SMAP1: variants seen among roughly 807,000 people sequenced by gnomAD.
The protein encoded by SMAP1 is small ArfGAP 1.
Under a neutral mutation model 58.5 loss-of-function variants are expected in SMAP1, and 24 were observed. The observed-to-expected ratio is 0.41, with a 90% CI of 0.30 to 0.58. SMAP1 has a LOEUF of 0.58. Ranked by LOEUF, SMAP1 falls within the 20% of genes least tolerant of loss-of-function variation. The pLI, the probability that SMAP1 is intolerant of heterozygous loss-of-function variation, is 0.29. For missense variants in SMAP1, 563 were observed against 566.3 expected, an observed-to-expected ratio of 0.99 and a Z score of 0.06; for synonymous variants, 216 against 196.6, an observed-to-expected ratio of 1.10 and a Z score of -0.82.
intron 7 of SMAP1, among the ~76,000 whole-genome samples, chr6:70,851,206 T>G (rs1771171917): frequency 2.0e-5 from 3 of 152,182 alleles, no homozygotes; most frequent in Non-Finnish European, 4.4e-5. Context: ...TTTTGTAAAT[T>G]AAATAGCAAA....
In SMAP1 at chr6:70,861,660, A is replaced by AATTT. The variant is rs750696989; in HGVS notation, c.*1329_*1332dup. 1 of 1,612,164 alleles carries AATTT rather than the reference A, an allele frequency of 6.2e-7. No homozygotes were observed. Among genetic ancestry groups the AATTT allele is most frequent in the South Asian group, 1.1e-5 (1 of 91,038 alleles). On this transcript the variant is annotated 3_prime_UTR_variant, in exon 11 of 11. Coordinates refer to ENST00000370455, the MANE Select transcript of SMAP1 (RefSeq NM_001044305.3). ...GACAAACTGCACCAGTTGCTGCTTC[A>AATTT]ATTTATACCTCAATTTTCACTGTGT...
intron 1 of SMAP1, among the ~76,000 whole-genome samples, chr6:70,685,387 ACTT>A (rs1766895948): frequency 6.6e-6 from 1 of 151,752 alleles, no homozygotes; most frequent in African/African-American, 2.4e-5. Flanking sequence ...AGGAGCCTTT[ACTT>A]TAAAGAGGCA....
intron 2 of SMAP1, among the ~76,000 whole-genome samples, chr6:70,749,091 G>C (rs751916132): frequency 6.6e-6 from 1 of 152,042 alleles, no homozygotes; most frequent in Admixed American, 6.6e-5. Flanking sequence ...TAATTGACTC[G>C]GTTCCTCATG....
intron 1 of SMAP1, among the ~76,000 whole-genome samples, chr6:70,730,639 C>T (rs531002238): frequency 5.5e-4 from 84 of 152,258 alleles, no homozygotes; most frequent in African/African-American, 2.0e-3. Context: ...GTTGCATGTG[C>T]ATAATCTTCC....
chr6:70,857,309 T>C (rs947279560), intron 9 of SMAP1: 2 of 253,236 alleles, frequency 7.9e-6, no homozygotes, highest in African/African-American at 4.4e-5. Flanking sequence ...CTTTGATGAA[T>C]TATTGAAACG....
At chr6:70,769,415 G>T (rs1767166451) in intron 3 of SMAP1, among the ~76,000 whole-genome samples, 2 of 152,166 alleles carry the variant, frequency 1.3e-5, no homozygotes, top group African/African-American at 2.4e-5. Context: ...CTCAGGACTT[G>T]CTTTATGAAT....
Position 70,857,031 on chromosome 6 carries a change from G to C in SMAP1, c.961+1G>C. On this transcript the variant is annotated splice_donor_variant, in intron 9 of 10. Coordinates refer to ENST00000370455, the MANE Select transcript of SMAP1 (RefSeq NM_001044305.3). LOFTEE classifies it high-confidence loss of function. ...ACCATTCAACAGCAAAGTACTCCTGGTAATGAATTTTGATATCTGCTTTCA... is the reference window on the plus strand; with the variant it reads ...ACCATTCAACAGCAAAGTACTCCTGCTAATGAATTTTGATATCTGCTTTCA... The C allele has an allele frequency of 6.3e-7, 1 of 1,596,160 alleles. No individual in the cohort carries two copies. The highest frequency in any genetic ancestry group is 8.5e-7 in the Non-Finnish European group (1 of 1,171,082).
intron 6 of SMAP1, among the ~76,000 whole-genome samples, chr6:70,801,811 G>T (rs1768867904): frequency 1.3e-5 from 2 of 152,198 alleles, no homozygotes; most frequent in Admixed American, 1.3e-4. Flanking sequence ...GTTTGTCAAA[G>T]ATCAGATGGT....
intron 4 of SMAP1, among the ~76,000 whole-genome samples, chr6:70,789,765 A>G (rs1332693968): frequency 6.6e-6 from 1 of 151,276 alleles, no homozygotes; most frequent in Non-Finnish European, 1.5e-5. Flanking sequence ...CTGAAATGAA[A>G]AAGGTTTTTA....
chr6:70,858,195 C>G lies in SMAP1; in HGVS notation c.1235C>G (p.Pro412Arg). The change falls in exon 10 of 11, where the codon CCG (proline) becomes CGG (arginine). Residue 412 changes from proline to arginine, a missense_variant. Physicochemically the swap from Pro to Arg is moderately radical, Grantham distance 103. Transcript: ENST00000370455. ...GCACCCCAGAGTAAGTTTGGCCTGC[C>G]GCAAGCTCAGCAGCCCCAGTGGAGC... ...MGAPQSKFGL[P>R]QAQQPQWSLS... The G allele has an allele frequency of 6.2e-7, 1 of 1,613,554 alleles. No homozygotes were observed. Among genetic ancestry groups the G allele is most frequent in the Non-Finnish European group, 8.5e-7 (1 of 1,179,906 alleles).
At chr6:70,676,792 C>T (rs1180174633) in intron 1 of SMAP1, among the ~76,000 whole-genome samples, 2 of 151,472 alleles carry the variant, frequency 1.3e-5, no homozygotes, top group African/African-American at 4.9e-5. Flanking sequence ...TTATTTTTTC[C>T]TTGTTATAGA....
At chr6:70,728,810 A>G (rs963946640) in intron 1 of SMAP1, among the ~76,000 whole-genome samples, 1 of 152,188 alleles carries the variant, frequency 6.6e-6, no homozygotes, top group African/African-American at 2.4e-5. Flanking sequence ...CTGGTAATGG[A>G]ATTCAGATTG....
intron 3 of SMAP1, among the ~76,000 whole-genome samples, chr6:70,770,426 T>G (rs1277158875): frequency 1.3e-5 from 2 of 152,220 alleles, no homozygotes; most frequent in Non-Finnish European, 2.9e-5. Context: ...AGTCCCATAT[T>G]TCTTGGAGAC....
intron 3 of SMAP1, among the ~76,000 whole-genome samples, chr6:70,765,972 A>G (rs1766960869): frequency 7.2e-6 from 1 of 138,964 alleles, no homozygotes; most frequent in Non-Finnish European, 1.5e-5. Flanking sequence ...TTCAATTCCC[A>G]CCTATGAGTG....
intron 7 of SMAP1, among the ~76,000 whole-genome samples, chr6:70,849,430 TAA>T (rs57793593): frequency 0.5 from 75,914 of 151,558 alleles, 19,304 homozygotes; most frequent in East Asian, 0.76. Context: ...GTAATAATAA[TAA>T]AAAAAACACA....
intron 8 of SMAP1, among the ~76,000 whole-genome samples, chr6:70,854,578 C>T (rs200058798): frequency 6.8e-4 from 103 of 151,736 alleles, no homozygotes; most frequent in South Asian, 4.4e-3. Context: ...GCGGAGATCA[C>T]GCCATTGCAC....
At chr6:70,748,145 C>T (rs1766124764) in intron 2 of SMAP1, among the ~76,000 whole-genome samples, 1 of 152,056 alleles carries the variant, frequency 6.6e-6, no homozygotes, top group Non-Finnish European at 1.5e-5. Context: ...TGCAAGAAAT[C>T]CTGGTGAATT....
intron 8 of SMAP1, 103 bp from the exon 9 acceptor site, chr6:70,856,756 T>C (rs1326486944): frequency 2.5e-6 from 3 of 1,220,176 alleles, no homozygotes; most frequent in Non-Finnish European, 3.4e-6. Context: ...TCTACAATTG[T>C]TTGATTCCTA....
intron 5 of SMAP1, among the ~76,000 whole-genome samples, chr6:70,795,429 C>T (rs966098757): frequency 6.6e-6 from 1 of 152,178 alleles, no homozygotes; most frequent in Non-Finnish European, 1.5e-5. Context: ...GATCAAGTCT[C>T]CAGCAGATTC....
Sources: allele counts gnomAD v4.1 joint callset (sites outside exome capture counted in the v4.1 genomes callset), GRCh38; gene constraint gnomAD v4.1.1; transcripts MANE v1.5; gene names NCBI Gene and HGNC (gene_info 2026-07-23, HGNC 2026-07-21).